Variants in MYO16 observed in about 807,000 individuals in gnomAD.
The protein encoded by MYO16 is myosin XVI.
In MYO16, 94 loss-of-function variants were observed where a neutral mutation model predicts 205.3. The observed-to-expected ratio is 0.46, with a 90% CI of 0.39 to 0.54. MYO16 has a LOEUF of 0.54. MYO16 is among the 20% of genes least tolerant of loss of function. MYO16 has a pLI of 0.00. For synonymous variants in MYO16, 988 were observed against 954.0 expected, an observed-to-expected ratio of 1.04 and a Z score of -0.66; for missense variants, 2,315 against 2,387.5, an observed-to-expected ratio of 0.97 and a Z score of 0.63.
chr13:108,895,824 G>A (rs535709848), intron 14 of MYO16, among the ~76,000 whole-genome samples: 12 of 152,286 alleles, frequency 7.9e-5, no homozygotes, highest in South Asian at 2.1e-4. Flanking sequence ...TGAGCAGGAC[G>A]GGAACATTGT....
At chr13:108,698,128 G>A (rs559395623) in intron 2 of MYO16, among the ~76,000 whole-genome samples, 12 of 152,178 alleles carry the variant, frequency 7.9e-5, no homozygotes, top group African/African-American at 2.4e-4. Context: ...GTCCAGCACC[G>A]ATAATTAAGT....
chr13:108,938,752 T>C (rs1882598043), intron 16 of MYO16, among the ~76,000 whole-genome samples: 1 of 152,212 alleles, frequency 6.6e-6, no homozygotes, highest in Admixed American at 6.5e-5. Context: ...TGCACCACCA[T>C]CTATGTTCAG....
At chr13:109,148,021 G>T (rs1442593225) in intron 32 of MYO16, among the ~76,000 whole-genome samples, 1 of 151,674 alleles carries the variant, frequency 6.6e-6, no homozygotes, top group African/African-American at 2.4e-5. Context: ...TGGAAGAAAA[G>T]GATTTTTTTT....
At chr13:109,147,063 G>A (rs1877372072) in intron 32 of MYO16, among the ~76,000 whole-genome samples, 1 of 151,898 alleles carries the variant, frequency 6.6e-6, no homozygotes, top group African/African-American at 2.4e-5. Flanking sequence ...CGAAGCCAGG[G>A]CGTCATTTTT....
chr13:108,777,760 C>T (rs1311598721), intron 4 of MYO16, among the ~76,000 whole-genome samples: 1 of 152,164 alleles, frequency 6.6e-6, no homozygotes, highest in African/African-American at 2.4e-5. Flanking sequence ...ATATTCTGCC[C>T]TTGTTTGTCT....
chr13:108,932,841 A>T (rs149806278), intron 16 of MYO16, among the ~76,000 whole-genome samples: 1 of 152,240 alleles, frequency 6.6e-6, no homozygotes, highest in African/African-American at 2.4e-5. Flanking sequence ...AATAAGCCAA[A>T]GTTCCCACAG....
At position 109,055,032 on chromosome 13, in the gene MYO16, T is replaced by C. The variant is rs1301866319; in HGVS notation, c.3049-14T>C. On this transcript the variant is annotated splice_polypyrimidine_tract_variant and intron_variant, in intron 25 of 34. Coordinates refer to ENST00000457511, the MANE Select transcript of MYO16 (RefSeq NM_001198950.3). The surrounding 1 kb of genome is among the most constrained non-coding windows in gnomAD (Gnocchi z 5.0). Reference sequence around the variant, plus strand: ...TCTTTTCTCCTGTCCTTCTTGTCTTTCTTTTTATTACAGTTATTAAAAAAG... The same window carrying C: ...TCTTTTCTCCTGTCCTTCTTGTCTTCCTTTTTATTACAGTTATTAAAAAAG... 6.7e-7 allele frequency: 1 copy of C among 1,493,118 alleles called. No homozygotes were observed. The highest frequency in any genetic ancestry group is 2.0e-5 in the Admixed American group (1 of 49,578). 92.5% of individuals were successfully genotyped at this position (1,493,118 alleles called of 1,614,324 possible).
intron 9 of MYO16, among the ~76,000 whole-genome samples, chr13:108,831,793 G>A (rs1261254543): frequency 6.6e-5 from 10 of 152,184 alleles, no homozygotes; most frequent in South Asian, 2.1e-4. Flanking sequence ...GATTACAGGC[G>A]TAAGCCACCA....
At chr13:109,184,203 A>G (rs575662434) in intron 34 of MYO16, among the ~76,000 whole-genome samples, 4 of 152,232 alleles carry the variant, frequency 2.6e-5, no homozygotes, top group South Asian at 2.1e-4. Context: ...TATATTTTAT[A>G]TAACCATATA....
chr13:108,763,879 G>C (rs1469071838), intron 4 of MYO16, among the ~76,000 whole-genome samples: 2 of 151,778 alleles, frequency 1.3e-5, no homozygotes, highest in African/African-American at 4.8e-5. Flanking sequence ...CCATGGAAAT[G>C]TGTAATCTGA....
chr13:109,141,416 C>CAGCGTCCATGCAAAA lies in MYO16; in HGVS notation c.5164+40_5164+41insAGCGTCCATGCAAAA. The CAGCGTCCATGCAAAA allele has an allele frequency of 1.5e-6, 2 of 1,318,704 alleles. No individual in the cohort carries two copies. The highest frequency in any genetic ancestry group is 2.0e-6 in the Non-Finnish European group (2 of 994,130). The allele number at this position is 1,318,704 out of a possible 1,614,324, so 81.7% of individuals were successfully genotyped here. A position where few individuals can be genotyped will look rare whatever the true frequency, so the allele number is the denominator to read the frequency against. ...CATCCCCCCACTCCTTTTGCATGGA[C>CAGCGTCCATGCAAAA]GCTGTGCTTGCGTGCACCTGTGTAC... On this transcript the variant is annotated intron_variant, in intron 32 of 34. Coordinates refer to ENST00000457511, the MANE Select transcript of MYO16 (RefSeq NM_001198950.3). This position sits in a 1 kb window ranked among gnomAD's most constrained non-coding sequence, Gnocchi z 4.1.
rs34128198 is a variant in MYO16, at chr13:108,757,490, T to TAA, written c.508-28144_508-28143dup. 9.2e-5 allele frequency among the ~76,000 whole-genome samples: 14 copies of TAA among 151,794 alleles called. No homozygotes were observed. The East Asian group carries it at 9.8e-4, about 11-fold the overall frequency. The stretch of plus-strand genomic sequence containing the variant: ...CAAGCTAGTTTTTTGGGGTTTTTTT[T>TAA]AATTATACTTTAAGTTTTAGGGTAC... On this transcript the variant is annotated intron_variant, in intron 4 of 34. Transcript: ENST00000457511.
chr13:108,798,425 A>C (rs1249403344), intron 6 of MYO16, among the ~76,000 whole-genome samples: 1 of 152,194 alleles, frequency 6.6e-6, no homozygotes, highest in Non-Finnish European at 1.5e-5. Context: ...GAATTGCAAC[A>C]AAATAACTAA....
chr13:109,077,030 C>T (rs1238528655), intron 27 of MYO16, among the ~76,000 whole-genome samples: 3 of 140,700 alleles, frequency 2.1e-5, no homozygotes, highest in East Asian at 2.0e-4. Context: ...CTCGCTCTGT[C>T]GCCCAGGCTG....
intron 4 of MYO16, among the ~76,000 whole-genome samples, chr13:108,753,998 G>A (rs1421834328): frequency 6.6e-6 from 1 of 152,234 alleles, no homozygotes; most frequent in Non-Finnish European, 1.5e-5. Flanking sequence ...TAAGTGAAGA[G>A]ATCAACAGTG....
At chr13:108,566,592 G>A in the MYO16 span, among the ~76,000 whole-genome samples, 49 of 150,894 alleles carry the variant, frequency 3.2e-4, no homozygotes, top group Admixed American at 3.1e-3. Context: ...AGATCATGCC[G>A]TTGCACTCCA....
At chr13:108,574,847 A>G in the MYO16 span, among the ~76,000 whole-genome samples, 1 of 152,196 alleles carries the variant, frequency 6.6e-6, no homozygotes, top group Non-Finnish European at 1.5e-5. Flanking sequence ...GAAAAAAAGG[A>G]AAACTAGATG....
chr13:108,500,558 T>C, the MYO16 span, among the ~76,000 whole-genome samples: 1 of 152,084 alleles, frequency 6.6e-6, no homozygotes, highest in Admixed American at 6.6e-5. Context: ...TATTTCCTGC[T>C]GTTTTTCTCC....
In MYO16 at chr13:109,075,043, G is replaced by A. The variant is rs150869157; in HGVS notation, c.3335+19448G>A. On this transcript the variant is annotated intron_variant, in intron 27 of 34. Coordinates refer to ENST00000457511, the MANE Select transcript of MYO16 (RefSeq NM_001198950.3). Reference sequence around the variant, plus strand: ...ACATTCATCTATATTGTTATAGTCCGTTCTTTTTTATTGCTGAGTTGTCTT... The same window carrying A: ...ACATTCATCTATATTGTTATAGTCCATTCTTTTTTATTGCTGAGTTGTCTT... 5.5e-3 allele frequency among the ~76,000 whole-genome samples: 843 copies of A among 152,158 alleles called. 7 individuals are homozygous for A. The highest frequency in any genetic ancestry group is 0.019 in the African/African-American group (786 of 41,516).
Sources: gnomAD v4.1 joint callset for allele counts (sites outside exome capture counted in the v4.1 genomes callset) on GRCh38, gnomAD v4.1.1 for gene constraint, Gnocchi (gnomAD v3.1) non-coding constraint, MANE v1.5 for transcripts, NCBI Gene and HGNC (gene_info 2026-07-23, HGNC 2026-07-21) for gene names.